Variants in NBEA observed in about 807,000 individuals in gnomAD.
NBEA encodes neurobeachin.
A neutral mutation model predicts 343.4 loss-of-function variants in NBEA; 44 were observed. The ratio of observed to expected loss-of-function variants is 0.13; its 90% CI spans 0.10 to 0.16. The LOEUF (loss-of-function observed/expected upper bound fraction) is 0.16. Among genes scored for constraint, NBEA ranks in the 10% least tolerant of loss-of-function variants. The pLI, the probability that NBEA is intolerant of heterozygous loss-of-function variation, is 1.00. For synonymous variants in NBEA, 1,175 were observed against 1,238.7 expected, an observed-to-expected ratio of 0.95 and a Z score of 1.08; for missense variants, 2,555 against 3,631.3, an observed-to-expected ratio of 0.70 and a Z score of 7.62.
chr13:35,445,799 T>TATATATATAC (rs2045989888), intron 39 of NBEA, among the ~76,000 whole-genome samples: 2 of 84,306 alleles, frequency 2.4e-5, no homozygotes, highest in Admixed American at 1.0e-4. Context: ...TATATATATA[T>TATATATATAC]ATATATATAT....
intron 34 of NBEA, among the ~76,000 whole-genome samples, chr13:35,282,515 T>C (rs2035122218): frequency 3.3e-5 from 5 of 152,150 alleles, no homozygotes; most frequent in Admixed American, 3.3e-4. Flanking sequence ...AGAGGAGTGA[T>C]ACAGGAATAA....
rs1024611082 is a variant in NBEA at position 35,048,765 on chromosome 13, T to C, written c.845+81T>C. ...ATGTATAGTCTCAAGGCAACTTAGATAGAATATATGTATATATGTGCGTAT... is the reference window on the plus strand; with the variant it reads ...ATGTATAGTCTCAAGGCAACTTAGACAGAATATATGTATATATGTGCGTAT... On this transcript the variant is annotated intron_variant, in intron 5 of 58. Coordinates refer to ENST00000379939, the MANE Select transcript of NBEA (RefSeq NM_001385012.1). 6 of 783,832 alleles carry C rather than the reference T, an allele frequency of 7.7e-6. No individual in the cohort carries two copies. The African/African-American group carries it at 1.0e-4, about 14-fold the overall frequency. 48.6% of individuals were successfully genotyped at this position (783,832 alleles called of 1,614,324 possible). A position where few individuals can be genotyped will look rare whatever the true frequency, so the allele number is the denominator to read the frequency against.
At chr13:35,309,007 T>G (rs2037181156) in intron 35 of NBEA, among the ~76,000 whole-genome samples, 1 of 151,960 alleles carries the variant, frequency 6.6e-6, no homozygotes, top group South Asian at 2.1e-4. Flanking sequence ...TTTGTAACTT[T>G]TTTCTAATTA....
intron 40 of NBEA, among the ~76,000 whole-genome samples, chr13:35,452,629 A>G (rs771334791): frequency 6.6e-6 from 1 of 152,082 alleles, no homozygotes. Flanking sequence ...TGAATTTGCC[A>G]TTTCCTCCCA....
At chr13:35,042,333 T>G (rs1013672750) in intron 2 of NBEA, among the ~76,000 whole-genome samples, 1 of 151,890 alleles carries the variant, frequency 6.6e-6, no homozygotes, top group Non-Finnish European at 1.5e-5. Flanking sequence ...TTTCTTAAAA[T>G]ACCTTTTTAA....
chr13:35,090,992 G>T (rs1376121863), intron 10 of NBEA, among the ~76,000 whole-genome samples: 1 of 151,936 alleles, frequency 6.6e-6, no homozygotes, highest in African/African-American at 2.4e-5. Flanking sequence ...TGTGCACCAG[G>T]GTGCAGTGAG....
chr13:35,558,691 G>A (rs143158403), intron 44 of NBEA, among the ~76,000 whole-genome samples: 9 of 152,220 alleles, frequency 5.9e-5, no homozygotes, highest in Non-Finnish European at 1.0e-4. Flanking sequence ...ATCAGAAGCC[G>A]GCAACCTGCC....
intron 41 of NBEA, among the ~76,000 whole-genome samples, chr13:35,485,787 G>A (rs1239680712): frequency 2.6e-5 from 4 of 152,172 alleles, no homozygotes; most frequent in African/African-American, 4.8e-5. Flanking sequence ...ATGATCAGCT[G>A]TGATAGTTTC....
intron 38 of NBEA, among the ~76,000 whole-genome samples, chr13:35,381,037 G>A (rs1322349547): frequency 6.6e-6 from 1 of 152,002 alleles, no homozygotes; most frequent in Admixed American, 6.6e-5. Flanking sequence ...ATTGCCATAT[G>A]ATTTTTCTTT....
At chr13:35,116,267 A>G (rs1269739139) in intron 13 of NBEA, among the ~76,000 whole-genome samples, 3 of 152,154 alleles carry the variant, frequency 2.0e-5, no homozygotes, top group African/African-American at 2.4e-5. Context: ...CAGCATACCA[A>G]TGGTTGACGG....
At chr13:35,266,522 T>C (rs1371417939) in intron 34 of NBEA, among the ~76,000 whole-genome samples, 1 of 151,796 alleles carries the variant, frequency 6.6e-6, no homozygotes, top group South Asian at 2.1e-4. Flanking sequence ...AAGGAAATAT[T>C]TTCCTTTGCA....
chr13:35,664,582 A>G (rs2085258688), intron 55 of NBEA, among the ~76,000 whole-genome samples: 1 of 152,256 alleles, frequency 6.6e-6, no homozygotes, highest in Non-Finnish European at 1.5e-5. Context: ...GATATAATTC[A>G]GCTGGACTTT....
rs370979025 is a variant in NBEA at position 35,058,898 on chromosome 13, G to A, written c.1239+35G>A. 128 of 1,513,554 alleles carry A rather than the reference G, an allele frequency of 8.5e-5. No individual in the cohort carries two copies. The East Asian group carries it at 1.3e-3, about 15-fold the overall frequency. The allele number at this position is 1,513,554 out of a possible 1,614,324, so 93.8% of individuals were successfully genotyped here. A position where few individuals can be genotyped will look rare whatever the true frequency, so the allele number is the denominator to read the frequency against. Reference sequence around the variant, plus strand: ...ACTGTAATTTTATAAATTCTATGGAGAGTTTTAGATGTAAAATGTGGTGTA... The same window carrying A: ...ACTGTAATTTTATAAATTCTATGGAAAGTTTTAGATGTAAAATGTGGTGTA... On this transcript the variant is annotated intron_variant, in intron 8 of 58. Coordinates refer to ENST00000379939, the MANE Select transcript of NBEA (RefSeq NM_001385012.1).
At chr13:35,523,831 T>G (rs59983024) in intron 41 of NBEA, among the ~76,000 whole-genome samples, 5,174 of 152,276 alleles carry the variant, frequency 0.034, 114 homozygotes, top group African/African-American at 0.069. Flanking sequence ...CTTTTAAATT[T>G]TCTAATGATT....
At chr13:35,014,327 A>AT (rs886405347) in intron 1 of NBEA, among the ~76,000 whole-genome samples, 6 of 151,792 alleles carry the variant, frequency 4.0e-5, no homozygotes, top group South Asian at 2.1e-4. Context: ...GTCTTAAAAC[A>AT]TTTTTTTTGT....
At chr13:35,370,267 G>A (rs921614233) in intron 38 of NBEA, among the ~76,000 whole-genome samples, 1 of 151,590 alleles carries the variant, frequency 6.6e-6, no homozygotes, top group Admixed American at 6.6e-5. Flanking sequence ...TTGCTGAGTT[G>A]GTCCCTTTAT....
intron 36 of NBEA, among the ~76,000 whole-genome samples, chr13:35,333,866 G>A (rs1476606607): frequency 6.6e-6 from 1 of 152,198 alleles, no homozygotes; most frequent in East Asian, 1.9e-4. Flanking sequence ...TGTTGCAAAT[G>A]ACAGGGTCTC....
chr13:35,375,742 A>C (rs1214649172), intron 38 of NBEA, among the ~76,000 whole-genome samples: 2 of 152,194 alleles, frequency 1.3e-5, no homozygotes, highest in African/African-American at 4.8e-5. Context: ...TGTAAATGAC[A>C]GACATTTGTC....
intron 7 of NBEA, among the ~76,000 whole-genome samples, chr13:35,058,458 T>A (rs1294605247): frequency 6.6e-6 from 1 of 152,072 alleles, no homozygotes; most frequent in Non-Finnish European, 1.5e-5. Context: ...ACTATAGTAT[T>A]TGAAAAGTGG....
Sources: gnomAD v4.1 joint callset for allele counts (sites outside exome capture counted in the v4.1 genomes callset) on GRCh38, gnomAD v4.1.1 for gene constraint, MANE v1.5 for transcripts, NCBI Gene and HGNC (gene_info 2026-07-23, HGNC 2026-07-21) for gene names.